IHO1: variants seen among roughly 807,000 people sequenced by gnomAD.
IHO1 encodes interactor of HORMAD1 1.
A neutral mutation model predicts 31.0 loss-of-function variants in IHO1; 13 were observed. That is an observed-to-expected ratio of 0.42 (90% confidence interval 0.27 to 0.67). The LOEUF is 0.67. IHO1 is among the 30% of genes least tolerant of loss of function. The probability of loss-of-function intolerance (pLI) is 0.24; values close to 1 mark genes in which losing one functional copy is unlikely to be tolerated. For missense variants in IHO1, 599 were observed against 687.5 expected (o/e 0.87, Z 1.44); for synonymous variants, 221 against 248.4 (o/e 0.89, Z 1.04).
chr3:49,193,584 G>A (rs896587565), upstream of IHO1, among the ~76,000 whole-genome samples: 1 of 130,712 alleles, frequency 7.7e-6, no homozygotes, highest in Non-Finnish European at 1.5e-5. Flanking sequence ...TCCCAGCTAC[G>A]CTACTTGGGA....
intron 4 of IHO1, among the ~76,000 whole-genome samples, chr3:49,242,771 C>T (rs147509066): frequency 2.3e-4 from 35 of 152,108 alleles, no homozygotes; most frequent in African/African-American, 1.2e-4. Flanking sequence ...CACCATTGCA[C>T]TACAGCCTGG....
chr3:49,201,728 G>A lies in IHO1; in HGVS notation c.-16+2155G>A, dbSNP rs551405848. Among the ~76,000 whole-genome samples the A allele has an allele frequency of 7.9e-5, 12 of 152,224 alleles. 1 individual carries two copies. The highest frequency in any genetic ancestry group is 6.2e-4 in the South Asian group (3 of 4,826). On this transcript the variant is annotated intron_variant, in intron 1 of 7. Transcript: ENST00000452691. ...GCTCAGGAGCGTGAGACCTGCCTGA[G>A]CAACATGGTAAACCTCTGTCTCTAC... is the stretch of plus-strand genomic sequence containing the variant.
intron 7 of IHO1, 112 bp downstream of exon 7, chr3:49,255,605 G>A (rs1335205558): frequency 8.1e-6 from 5 of 618,198 alleles, no homozygotes; most frequent in African/African-American, 7.9e-5. Context: ...TTTGTCGTGC[G>A]GTGGTGCAAT....
At chr3:49,227,632 G>A (rs1276135667) in intron 2 of IHO1, among the ~76,000 whole-genome samples, 1 of 152,106 alleles carries the variant, frequency 6.6e-6, no homozygotes, top group Non-Finnish European at 1.5e-5. Flanking sequence ...AGATTTAGTG[G>A]CCCTTACCAA....
At chr3:49,212,244 C>T (rs2046229659) in intron 2 of IHO1, among the ~76,000 whole-genome samples, 2 of 151,098 alleles carry the variant, frequency 1.3e-5, no homozygotes, top group South Asian at 2.1e-4. Context: ...TGGTAGCTCA[C>T]GCCTATAATC....
chr3:49,214,607 CATATATATATATATAT>C (rs1311032715), intron 2 of IHO1, among the ~76,000 whole-genome samples: 5 of 24,788 alleles, frequency 2.0e-4, no homozygotes, highest in African/African-American at 7.5e-4. Context: ...ATTTCTAGAT[CATATATATATATATAT>C]ATATATATAT....
At chr3:49,215,929 G>A (rs1211310391) in intron 2 of IHO1, among the ~76,000 whole-genome samples, 1 of 152,164 alleles carries the variant, frequency 6.6e-6, no homozygotes, top group Non-Finnish European at 1.5e-5. Flanking sequence ...ACTGTCTATG[G>A]GACTAGGGCT....
upstream of IHO1, among the ~76,000 whole-genome samples, chr3:49,197,882 A>C (rs2046010580): frequency 6.8e-6 from 1 of 146,750 alleles, no homozygotes; most frequent in Non-Finnish European, 1.5e-5. Context: ...CTCCATCTCA[A>C]AAAAAAAAAA....
At chr3:49,249,231 C>G (rs2046731889) in intron 6 of IHO1, among the ~76,000 whole-genome samples, 1 of 151,992 alleles carries the variant, frequency 6.6e-6, no homozygotes, top group Non-Finnish European at 1.5e-5. Flanking sequence ...TATGTTAAGT[C>G]TGGTGATAAA....
intron 2 of IHO1, among the ~76,000 whole-genome samples, chr3:49,220,246 C>T (rs143133815): frequency 6.6e-5 from 10 of 152,336 alleles, no homozygotes; most frequent in South Asian, 6.2e-4. Context: ...GGTCCCGTCC[C>T]GGGCCCTGTT....
rs769166452 is a variant in IHO1, at chr3:49,244,466, C to T, written c.444+14C>T. 6 of 1,524,216 alleles carry T rather than the reference C, an allele frequency of 3.9e-6. No homozygotes were observed. Among genetic ancestry groups the T allele is most frequent in the East Asian group, 2.3e-5 (1 of 44,376 alleles). 94.4% of individuals were successfully genotyped at this position (1,524,216 alleles called of 1,614,324 possible). On this transcript the variant is annotated intron_variant, in intron 5 of 7. Transcript: ENST00000452691. ...AGCATTCTCAGGGTAAGTACAGATA[C>T]TTTTCAAGGAGTTAGAACATCTTAT...
chr3:49,200,799 T>A (rs2046060528), intron 1 of IHO1, among the ~76,000 whole-genome samples: 2 of 152,192 alleles, frequency 1.3e-5, no homozygotes, highest in African/African-American at 2.4e-5. Flanking sequence ...AACGAATACC[T>A]CTTCCTTACT....
Position 49,257,188 on chromosome 3 carries a change from A to G in IHO1, c.1691A>G (p.Asn564Ser), listed in dbSNP as rs769153451. ...CAGATGAGCTGGTTCAGTGACCTCA[A>G]TCTCGGATGTTCAGAGACCCCTCTA... ...DHQMSWFSDL[N>S]LGCSETPLCK... The change falls in exon 8 of 8, where the codon AAT becomes AGT. Residue 564 changes from asparagine (N) to serine (S), a missense_variant. By Grantham distance (46) the Asn-to-Ser change is conservative. Coordinates refer to ENST00000452691, the MANE Select transcript of IHO1 (RefSeq NM_001135197.2). The G allele has an allele frequency of 1.2e-6, 2 of 1,614,032 alleles. No individual in the cohort carries two copies. The highest frequency in any genetic ancestry group is 2.7e-5 in the African/African-American group (2 of 74,914).
At chr3:49,226,787 T>C (rs1179342174) in intron 2 of IHO1, among the ~76,000 whole-genome samples, 1 of 152,216 alleles carries the variant, frequency 6.6e-6, no homozygotes, top group Non-Finnish European at 1.5e-5. Flanking sequence ...CTAAACCCTG[T>C]AGGACATCTA....
In IHO1 at chr3:49,257,349, C is replaced by T. The variant is rs772140517; in HGVS notation, c.*67C>T. 7.4e-6 allele frequency: 11 copies of T among 1,489,162 alleles called. No individual in the cohort carries two copies. Among genetic ancestry groups the T allele is most frequent in the Non-Finnish European group, 6.4e-6 (7 of 1,089,798 alleles). The allele number at this position is 1,489,162 out of a possible 1,614,324, so 92.2% of individuals were successfully genotyped here. A position where few individuals can be genotyped will look rare whatever the true frequency, so the allele number is the denominator to read the frequency against. On this transcript the variant is annotated 3_prime_UTR_variant, in exon 8 of 8. Coordinates refer to ENST00000452691, the MANE Select transcript of IHO1 (RefSeq NM_001135197.2). The stretch of plus-strand genomic sequence containing the variant: ...ATTGCAGGACATTTGGGCTGGCCAA[C>T]AGCAGAAAGTCCCTGAAGCCTGCCA...
chr3:49,208,840 G>A (rs948581842), intron 1 of IHO1, among the ~76,000 whole-genome samples: 1 of 152,072 alleles, frequency 6.6e-6, no homozygotes, highest in Non-Finnish European at 1.5e-5. Flanking sequence ...GGGTACATGG[G>A]GCTTGATCCA....
At chr3:49,205,808 C>T (rs548749990) in intron 1 of IHO1, among the ~76,000 whole-genome samples, 35 of 135,454 alleles carry the variant, frequency 2.6e-4, no homozygotes, top group Middle Eastern at 4.5e-3. Context: ...CTTGCTCTGT[C>T]GCCCAGGCTG....
At chr3:49,200,582 G>C in intron 1 of IHO1, 1 of 984,888 alleles carries the variant, frequency 1.0e-6, no homozygotes, top group Non-Finnish European at 1.2e-6. Flanking sequence ...ATGCCAATCG[G>C]GGCGGTCCTC....
chr3:49,240,665 G>A (rs965754084), intron 3 of IHO1, among the ~76,000 whole-genome samples: 1 of 152,080 alleles, frequency 6.6e-6, no homozygotes, highest in Non-Finnish European at 1.5e-5. Flanking sequence ...CCAGCCAGTC[G>A]GTGCTTTAAG....
Sources: gnomAD v4.1 joint callset for allele counts (sites outside exome capture counted in the v4.1 genomes callset) on GRCh38, gnomAD v4.1.1 for gene constraint, MANE v1.5 for transcripts, NCBI Gene and HGNC (gene_info 2026-07-23, HGNC 2026-07-21) for gene names.